The following PRR14L variants were observed in gnomAD, a reference collection of about 807,000 sequenced individuals.
PRR14L encodes the protein protein PRR14L.
PRR14L carries 80 observed loss-of-function variants against 155.0 expected under a neutral mutation model. The observed-to-expected ratio is 0.52, with a 90% CI of 0.43 to 0.62. PRR14L has a LOEUF of 0.62. Among genes scored for constraint, PRR14L ranks in the 20% least tolerant of loss-of-function variants. PRR14L has a pLI of 0.00. For missense variants in PRR14L, 2,469 were observed against 2,548.0 expected (o/e 0.97, Z 0.67); for synonymous variants, 883 against 916.0 (o/e 0.96, Z 0.65).
At chr22:31,701,520 C>T in intron 7 of PRR14L, 136 bp downstream of exon 7, 1 of 564,604 alleles carries the variant, frequency 1.8e-6, no homozygotes, top group Non-Finnish European at 3.2e-6. Context: ...AGCGACATTA[C>T]TAATTAATTC....
Position 31,716,777 on chromosome 22 carries a change from G to C in PRR14L, c.1062C>G (p.Ser354=), listed in dbSNP as rs1373445636. 3.9e-6 allele frequency: 6 copies of C among 1,551,678 alleles called. No individual in the cohort carries two copies. Among genetic ancestry groups the C allele is most frequent in the African/African-American group, 2.7e-5 (2 of 73,036 alleles). Residue 354 remains serine, a synonymous_variant, in exon 4 of 9, where the codon TCC becomes TCG. Coordinates refer to ENST00000327423, the MANE Select transcript of PRR14L (RefSeq NM_173566.3). ...CFTSDLSGPE[S]RTISLENCGF... ...CACAGTTTTCTAAGGATATTGTTCT[G>C]GATTCTGGACCAGACAAGTCTGATG...
rs559517126 is a variant in PRR14L at position 31,716,346 on chromosome 22, G to C, written c.1493C>G (p.Thr498Ser). 1.3e-6 allele frequency: 2 copies of C among 1,551,116 alleles called. No homozygotes were observed. Among genetic ancestry groups the C allele is most frequent in the African/African-American group, 1.4e-5 (1 of 73,118 alleles). ...GTGTCCACCAGGATGGCTCATATTA[G>C]TAAAAGTTTCTTTATGGTCCTCAGG... ...TNPEDHKETF[T>S]NMSHPGGHSE... is the part of the protein sequence containing the mutation. Residue 498 changes from threonine (T) to serine (S), a missense_variant, in exon 4 of 9, where the codon ACT (threonine) becomes AGT (serine). Around this residue, in one of 2 missense-constraint regions of PRR14L, gnomAD observed 2,363 missense variants for 2,371.6 expected, o/e 1.00. Transcript: ENST00000327423.
chr22:31,691,428 C>T (rs942518137), intron 7 of PRR14L, among the ~76,000 whole-genome samples: 2 of 152,008 alleles, frequency 1.3e-5, no homozygotes, highest in Non-Finnish European at 2.9e-5. Flanking sequence ...ACTATGTTGC[C>T]CAGGCTGGTA....
intron 2 of PRR14L, among the ~76,000 whole-genome samples, chr22:31,726,244 C>T (rs945538668): frequency 2.3e-4 from 35 of 151,366 alleles, no homozygotes; most frequent in Non-Finnish European, 4.0e-4. Context: ...AATTCTCCTG[C>T]CTCAGCCTCC....
At chr22:31,706,560 A>C (rs2074593426) in intron 4 of PRR14L, among the ~76,000 whole-genome samples, 1 of 151,618 alleles carries the variant, frequency 6.6e-6, no homozygotes, top group Non-Finnish European at 1.5e-5. Flanking sequence ...AGTAGCTGGG[A>C]CTACAGCCAC....
chr22:31,735,630 G>A (rs1328076854), intron 2 of PRR14L, among the ~76,000 whole-genome samples: 1 of 148,312 alleles, frequency 6.7e-6, no homozygotes, highest in Non-Finnish European at 1.5e-5. Context: ...GAAGTGGCAG[G>A]TCCCTAAATT....
chr22:31,719,055 C>T (rs1048793844), intron 3 of PRR14L, among the ~76,000 whole-genome samples: 1 of 151,872 alleles, frequency 6.6e-6, no homozygotes, highest in Non-Finnish European at 1.5e-5. Context: ...GCCTGGGTGA[C>T]AGAGCAAGAC....
intron 6 of PRR14L, among the ~76,000 whole-genome samples, chr22:31,702,660 A>T (rs1374504043): frequency 6.6e-6 from 1 of 151,720 alleles, no homozygotes; most frequent in African/African-American, 2.4e-5. Flanking sequence ...GGATTACAGG[A>T]ATGTGCCACC....
Position 31,715,004 on chromosome 22 carries a change from A to G in PRR14L, c.2835T>C (p.Ser945=), listed in dbSNP as rs2074647930. 1 of 1,552,116 alleles carries G rather than the reference A, an allele frequency of 6.4e-7. No individual in the cohort carries two copies. The highest frequency in any genetic ancestry group is 1.4e-5 in the African/African-American group (1 of 73,178). Residue 945 remains serine (S), a synonymous_variant, in exon 4 of 9, where the codon TCT becomes TCC. Coordinates refer to ENST00000327423, the MANE Select transcript of PRR14L (RefSeq NM_173566.3). ...TAAAACTGGAGAACATAACAGTAGG[A>G]GACTGGTCCAACACTTTTTCAGGAC... ...IPGPEKVLDQ[S]PTVMFSSFKN...
At position 31,715,567 on chromosome 22, in the gene PRR14L, G is replaced by A. The variant is rs140450525; in HGVS notation, c.2272C>T (p.Leu758=). The change falls in exon 4 of 9, where the codon CTG becomes TTG. Residue 758 remains leucine, a synonymous_variant. Coordinates refer to ENST00000327423, the MANE Select transcript of PRR14L (RefSeq NM_173566.3). ...GCTGCTTCTCTCTTATTTGAGCGCA[G>A]CCTGGAATGTAGAGCTTTTGTTCCT... ...DSGTKALHSR[L]RSNKREAAGF... is the part of the protein sequence containing the mutation. 25,947 of 1,552,008 alleles carry A rather than the reference G, an allele frequency of 0.017. 233 individuals are homozygous for A. Among genetic ancestry groups the A allele is most frequent in the Non-Finnish European group, 0.018 (20,959 of 1,147,030 alleles).
intron 1 of PRR14L, among the ~76,000 whole-genome samples, chr22:31,748,243 C>A (rs1292544186): frequency 6.6e-6 from 1 of 152,156 alleles, no homozygotes; most frequent in Non-Finnish European, 1.5e-5. Context: ...GAGAATGGGC[C>A]TCTTCTTGAG....
chr22:31,705,558 G>C (rs1232183903), intron 4 of PRR14L, among the ~76,000 whole-genome samples: 1 of 151,902 alleles, frequency 6.6e-6, no homozygotes, highest in Non-Finnish European at 1.5e-5. Flanking sequence ...ATTTTTAGTA[G>C]AGATGGGGTT....
intron 2 of PRR14L, among the ~76,000 whole-genome samples, chr22:31,726,474 C>T (rs2074717396): frequency 6.6e-6 from 1 of 152,018 alleles, no homozygotes; most frequent in Non-Finnish European, 1.5e-5. Context: ...ACCATGTTGG[C>T]CAGGCTAGTC....
intron 7 of PRR14L, among the ~76,000 whole-genome samples, chr22:31,697,485 G>C (rs1393607355): frequency 6.6e-6 from 1 of 152,022 alleles, no homozygotes; most frequent in Non-Finnish European, 1.5e-5. Flanking sequence ...AAAATAGCTT[G>C]TTCGTGTATT....
chr22:31,722,634 C>T (rs1189148067), intron 3 of PRR14L, among the ~76,000 whole-genome samples: 1 of 151,142 alleles, frequency 6.6e-6, no homozygotes, highest in East Asian at 2.0e-4. Flanking sequence ...ACCATTCTCT[C>T]GCCTCAGCCT....
At chr22:31,706,538 C>A (rs1372616864) in intron 4 of PRR14L, among the ~76,000 whole-genome samples, 4 of 150,810 alleles carry the variant, frequency 2.7e-5, no homozygotes. Context: ...AATTCTCCTG[C>A]CTCAGCCTCC....
intron 1 of PRR14L, among the ~76,000 whole-genome samples, chr22:31,740,673 C>G (rs763488489): frequency 3.3e-5 from 5 of 152,070 alleles, no homozygotes; most frequent in Admixed American, 2.0e-4. Context: ...CACTTTCATT[C>G]TTGATGCTTT....
intron 4 of PRR14L, among the ~76,000 whole-genome samples, chr22:31,708,903 C>T (rs1263934404): frequency 6.6e-6 from 1 of 152,078 alleles, no homozygotes; most frequent in Non-Finnish European, 1.5e-5. Context: ...CTCGGCTCAG[C>T]ACAACCTCCA....
intron 7 of PRR14L, among the ~76,000 whole-genome samples, chr22:31,696,452 T>C (rs548701367): frequency 1.3e-5 from 2 of 152,170 alleles, no homozygotes; most frequent in East Asian, 3.9e-4. Context: ...TTATTAATTT[T>C]TGTAGAAATG....
Sources: allele counts gnomAD v4.1 joint callset (sites outside exome capture counted in the v4.1 genomes callset), GRCh38; gene constraint gnomAD v4.1.1; regional missense constraint gnomAD v4.1.1; transcripts MANE v1.5; gene names NCBI Gene and HGNC (gene_info 2026-07-23, HGNC 2026-07-21).